STXBP4: variants seen among roughly 807,000 people sequenced by gnomAD.
STXBP4 encodes the protein syntaxin binding protein 4.
A neutral mutation model predicts 76.1 loss-of-function variants in STXBP4; 55 were observed. The observed-to-expected ratio is 0.72, with a 90% CI of 0.58 to 0.91. The LOEUF is 0.91. Among genes scored for constraint, STXBP4 ranks in the 40% least tolerant of loss-of-function variants. The pLI is 0.00. For missense variants in STXBP4, 618 were observed against 636.9 expected (o/e 0.97, Z 0.32); for synonymous variants, 201 against 220.2 (o/e 0.91, Z 0.77).
At chr17:54,987,820 G>A (rs1215970629) in intron 3 of STXBP4, among the ~76,000 whole-genome samples, 10 of 152,144 alleles carry the variant, frequency 6.6e-5, no homozygotes, top group Non-Finnish European at 1.5e-4. Context: ...CCCACCAGCA[G>A]TGTGCAAAAA....
chr17:55,125,135 C>T (rs1464833652), intron 16 of STXBP4, among the ~76,000 whole-genome samples: 7 of 152,116 alleles, frequency 4.6e-5, no homozygotes, highest in African/African-American at 1.4e-4. Context: ...TGAAAGTTAA[C>T]GTACAATTTA....
At chr17:55,142,513 G>A (rs1322279338) in intron 17 of STXBP4, among the ~76,000 whole-genome samples, 5 of 152,090 alleles carry the variant, frequency 3.3e-5, no homozygotes, top group African/African-American at 4.8e-5. Context: ...ATATACTGAG[G>A]GGAATATTAC....
At chr17:55,204,062 CT>C in the STXBP4 span, among the ~76,000 whole-genome samples, 1 of 151,282 alleles carries the variant, frequency 6.6e-6, no homozygotes, top group African/African-American at 2.4e-5. Flanking sequence ...TTTTTTATTT[CT>C]TTTTTTTGGA....
chr17:55,086,989 T>G (rs2079342765), intron 16 of STXBP4, among the ~76,000 whole-genome samples: 1 of 152,174 alleles, frequency 6.6e-6, no homozygotes, highest in Non-Finnish European at 1.5e-5. Context: ...ATTGTGGATT[T>G]GATTTGCATT....
At chr17:54,974,579 T>A (rs1331694322) in intron 1 of STXBP4, among the ~76,000 whole-genome samples, 1 of 152,246 alleles carries the variant, frequency 6.6e-6, no homozygotes, top group Non-Finnish European at 1.5e-5. Context: ...CATGAAAATA[T>A]GACCTGTGCA....
At chr17:55,085,749 A>T (rs1465001898) in intron 16 of STXBP4, among the ~76,000 whole-genome samples, 4 of 152,078 alleles carry the variant, frequency 2.6e-5, no homozygotes, top group Non-Finnish European at 4.4e-5. Flanking sequence ...GTAAGTTCTG[A>T]TTTCACAACT....
intron 17 of STXBP4, among the ~76,000 whole-genome samples, chr17:55,154,264 TTC>T (rs1303213191): frequency 6.6e-6 from 1 of 152,176 alleles, no homozygotes. Context: ...TAAACATCAA[TTC>T]TGTTACCTTC....
At chr17:55,088,514 A>T (rs1349337917) in intron 16 of STXBP4, among the ~76,000 whole-genome samples, 1 of 152,142 alleles carries the variant, frequency 6.6e-6, no homozygotes, top group Admixed American at 6.5e-5. Context: ...TCCTTGCCTC[A>T]GCCTCCTGAG....
chr17:55,032,123 A>G (rs753584072), intron 9 of STXBP4, among the ~76,000 whole-genome samples: 2 of 152,148 alleles, frequency 1.3e-5, no homozygotes, highest in Non-Finnish European at 1.5e-5. Flanking sequence ...TTTTGCACAT[A>G]TATTCGTTCC....
chr17:55,043,404 C>A, intron 11 of STXBP4, 79 bp downstream of exon 11: 2 of 842,718 alleles, frequency 2.4e-6, no homozygotes, highest in Non-Finnish European at 3.5e-6. Context: ...GATTCTGAAG[C>A]ATTGGGGCTT....
the STXBP4 span, among the ~76,000 whole-genome samples, chr17:55,212,761 C>G: frequency 6.6e-6 from 1 of 152,166 alleles, no homozygotes; most frequent in Admixed American, 6.5e-5. Context: ...AAGGAGACAG[C>G]TGAGAATCAT....
chr17:55,179,686 A>G, the STXBP4 span, among the ~76,000 whole-genome samples: 1 of 152,082 alleles, frequency 6.6e-6, no homozygotes, highest in South Asian at 2.1e-4. Context: ...GATCTTTATT[A>G]TGATCCACTT....
At position 55,162,505 on chromosome 17, in the gene STXBP4, T is replaced by G. The variant is rs145387785; in HGVS notation, c.*2594T>G. On this transcript the variant is annotated 3_prime_UTR_variant, in exon 18 of 18. Coordinates refer to ENST00000376352, the MANE Select transcript of STXBP4 (RefSeq NM_178509.6). Reference sequence around the variant, plus strand: ...AGCACCAACAATGTCACAAGCACTGTGCTAAACACTGTGGTGAAGTAGAAC... The same window carrying G: ...AGCACCAACAATGTCACAAGCACTGGGCTAAACACTGTGGTGAAGTAGAAC... 189 of 152,190 alleles carry G rather than the reference T, an allele frequency of 1.2e-3. No homozygotes were observed. The highest frequency in any genetic ancestry group is 3.8e-3 in the African/African-American group (156 of 41,526). The allele number at this position is 152,190 out of a possible 1,614,324, so 9.4% of individuals were successfully genotyped here.
chr17:54,984,941 G>A lies in STXBP4; in HGVS notation c.-156-673G>A, dbSNP rs1414988544. The stretch of plus-strand genomic sequence containing the variant: ...ACTTGTTCAAAATTTTCATCCAATG[G>A]CTCTTTTCCCATTTACTCTTCAACA... On this transcript the variant is annotated intron_variant, in intron 1 of 17. Coordinates refer to ENST00000376352, the MANE Select transcript of STXBP4 (RefSeq NM_178509.6). Among the ~76,000 whole-genome samples, 3 of 151,844 alleles carry A rather than the reference G, an allele frequency of 2.0e-5. No individual in the cohort carries two copies. In the East Asian group the frequency reaches 5.8e-4, roughly 29 times the overall value.
chr17:55,048,824 T>A (rs2078823683), intron 12 of STXBP4, among the ~76,000 whole-genome samples: 1 of 151,660 alleles, frequency 6.6e-6, no homozygotes, highest in South Asian at 2.1e-4. Flanking sequence ...CTTAAAGAAA[T>A]CAATCAAAAT....
intron 17 of STXBP4, among the ~76,000 whole-genome samples, chr17:55,148,052 CA>C (rs1328236791): frequency 6.6e-6 from 1 of 152,168 alleles, no homozygotes; most frequent in Non-Finnish European, 1.5e-5. Flanking sequence ...ACCCCTACCC[CA>C]AATTTCTTAC....
At chr17:55,183,364 T>C in the STXBP4 span, among the ~76,000 whole-genome samples, 1 of 152,134 alleles carries the variant, frequency 6.6e-6, no homozygotes, top group Non-Finnish European at 1.5e-5. Context: ...GGTGGGAGGA[T>C]TGCTTGAGCC....
At chr17:55,057,917 A>T (rs1598273666) in intron 12 of STXBP4, among the ~76,000 whole-genome samples, 1 of 152,122 alleles carries the variant, frequency 6.6e-6, no homozygotes. Flanking sequence ...GAATTCCATG[A>T]TGTATATATG....
chr17:55,015,863 A>G (rs991568471), intron 8 of STXBP4, among the ~76,000 whole-genome samples: 6 of 152,190 alleles, frequency 3.9e-5, no homozygotes, highest in African/African-American at 1.4e-4. Context: ...GTTTGTACAT[A>G]TGGCACTTCA....
Sources: allele counts gnomAD v4.1 joint callset (sites outside exome capture counted in the v4.1 genomes callset), GRCh38; gene constraint gnomAD v4.1.1; transcripts MANE v1.5; gene names NCBI Gene and HGNC (gene_info 2026-07-23, HGNC 2026-07-21).